RBPJ: variants seen among roughly 807,000 people sequenced by gnomAD.
RBPJ encodes recombining binding protein suppressor of hairless.
In RBPJ, 9 loss-of-function variants were observed where a neutral mutation model predicts 67.8. The observed-to-expected ratio is 0.13, with a 90% CI of 0.08 to 0.23. RBPJ has a LOEUF of 0.23. Ranked by LOEUF, RBPJ falls within the 10% of genes least tolerant of loss-of-function variation. The probability of loss-of-function intolerance (pLI) is 1.00; values close to 1 mark genes in which losing one functional copy is unlikely to be tolerated. For missense variants in RBPJ, 305 were observed against 595.6 expected, an observed-to-expected ratio of 0.51 and a Z score of 5.08; for synonymous variants, 198 against 203.3, an observed-to-expected ratio of 0.97 and a Z score of 0.22.
intron 1 of RBPJ, among the ~76,000 whole-genome samples, chr4:26,253,562 C>T (rs1262897363): frequency 2.6e-5 from 4 of 151,208 alleles, no homozygotes; most frequent in African/African-American, 4.9e-5. Flanking sequence ...CCGCCCGCCT[C>T]GGCCTCCCAA....
At chr4:26,244,302 T>TAC (rs776796147) in intron 1 of RBPJ, among the ~76,000 whole-genome samples, 1 of 148,568 alleles carries the variant, frequency 6.7e-6, no homozygotes. Context: ...CACATATGTG[T>TAC]ACACATATGT....
chr4:26,406,080 T>G, intron 2 of RBPJ, 95 bp from the exon 3 acceptor site: 1 of 729,196 alleles, frequency 1.4e-6, no homozygotes, highest in Non-Finnish European at 2.3e-6. Flanking sequence ...TAAAAAATAT[T>G]TATAAGCATT....
chr4:26,323,808 G>A (rs1723338615), intron 1 of RBPJ, among the ~76,000 whole-genome samples: 1 of 152,116 alleles, frequency 6.6e-6, no homozygotes, highest in South Asian at 2.1e-4. Flanking sequence ...TGGCACCCTT[G>A]ATGGGTAAGG....
At chr4:26,121,873 CTTTTTTTTTTTT>C in the RBPJ span, among the ~76,000 whole-genome samples, 3 of 94,106 alleles carry the variant, frequency 3.2e-5, no homozygotes, top group Admixed American at 2.4e-4. Flanking sequence ...GAGTATCTCT[CTTTTTTTTTTTT>C]TTTTTTTTTT....
At chr4:26,154,718 T>G in the RBPJ span, among the ~76,000 whole-genome samples, 5 of 152,234 alleles carry the variant, frequency 3.3e-5, no homozygotes, top group African/African-American at 1.2e-4. Context: ...CAAAGCATAG[T>G]ATCAGCATCT....
At chr4:26,328,882 T>TG (rs1318516978) in intron 1 of RBPJ, among the ~76,000 whole-genome samples, 1 of 152,204 alleles carries the variant, frequency 6.6e-6, no homozygotes, top group Non-Finnish European at 1.5e-5. Flanking sequence ...GCTCCCGGGC[T>TG]CAAGTGATCC....
chr4:26,355,629 C>T (rs1727289715), intron 1 of RBPJ, among the ~76,000 whole-genome samples: 1 of 152,140 alleles, frequency 6.6e-6, no homozygotes, highest in South Asian at 2.1e-4. Context: ...CAGAGCAAGA[C>T]CCCATCTCTT....
chr4:26,326,181 T>C (rs1216492486), intron 1 of RBPJ, among the ~76,000 whole-genome samples: 1 of 152,174 alleles, frequency 6.6e-6, no homozygotes, highest in Non-Finnish European at 1.5e-5. Flanking sequence ...GTCTAATTCA[T>C]ATATATGTAT....
chr4:26,377,630 A>G (rs953418613), intron 1 of RBPJ, among the ~76,000 whole-genome samples: 1 of 152,224 alleles, frequency 6.6e-6, no homozygotes, highest in Non-Finnish European at 1.5e-5. Flanking sequence ...CTTTGTGGAA[A>G]ACCCTTAGGT....
At chr4:26,109,477 T>TACACACACAC in the RBPJ span, among the ~76,000 whole-genome samples, 14 of 53,006 alleles carry the variant, frequency 2.6e-4, 1 homozygote, top group African/African-American at 1.3e-3. Flanking sequence ...TATATATATA[T>TACACACACAC]ATATATATAT....
At chr4:26,260,206 G>A (rs941326370) in intron 1 of RBPJ, among the ~76,000 whole-genome samples, 2 of 152,124 alleles carry the variant, frequency 1.3e-5, no homozygotes, top group Non-Finnish European at 2.9e-5. Context: ...TGTTTAGAAG[G>A]GAATTGTGAG....
At chr4:26,228,425 C>T (rs1478418447) in intron 1 of RBPJ, among the ~76,000 whole-genome samples, 4 of 152,178 alleles carry the variant, frequency 2.6e-5, no homozygotes, top group Non-Finnish European at 5.9e-5. Context: ...GATGTTATTG[C>T]TGCAATGTAT....
the RBPJ span, among the ~76,000 whole-genome samples, chr4:26,106,186 C>T: frequency 1.3e-5 from 2 of 152,350 alleles, no homozygotes; most frequent in East Asian, 3.9e-4. Context: ...AACATCCCTT[C>T]CCGCCTTTTT....
At chr4:26,284,121 A>G (rs1465209767) in intron 1 of RBPJ, among the ~76,000 whole-genome samples, 1 of 152,202 alleles carries the variant, frequency 6.6e-6, no homozygotes, top group Non-Finnish European at 1.5e-5. Context: ...ATTCTTCTTA[A>G]TAGTATTTAT....
At chr4:26,126,275 A>C in the RBPJ span, among the ~76,000 whole-genome samples, 1 of 152,210 alleles carries the variant, frequency 6.6e-6, no homozygotes, top group Non-Finnish European at 1.5e-5. Flanking sequence ...CCTAGGAAGG[A>C]GACAGACACT....
intron 1 of RBPJ, among the ~76,000 whole-genome samples, chr4:26,206,142 ACTT>A: frequency 6.6e-6 from 1 of 152,262 alleles, no homozygotes; most frequent in Non-Finnish European, 1.5e-5. Flanking sequence ...ACTGCCTCCC[ACTT>A]CTCCCCAAAA....
the RBPJ span, among the ~76,000 whole-genome samples, chr4:26,122,465 A>G: frequency 6.6e-6 from 1 of 152,226 alleles, no homozygotes; most frequent in Admixed American, 6.5e-5. Context: ...TGTAGGTTCA[A>G]ATAGGGCAGA....
the RBPJ span, among the ~76,000 whole-genome samples, chr4:26,129,286 T>C: frequency 6.6e-6 from 1 of 152,212 alleles, no homozygotes; most frequent in Non-Finnish European, 1.5e-5. Context: ...TACCCTGCCG[T>C]GAATCATTTC....
chr4:26,138,396 G>A, the RBPJ span, among the ~76,000 whole-genome samples: 1 of 152,098 alleles, frequency 6.6e-6, no homozygotes, highest in Non-Finnish European at 1.5e-5. Flanking sequence ...GCAGAGCAGG[G>A]ATGAAAAGAG....
Sources: gnomAD v4.1 joint callset for allele counts (sites outside exome capture counted in the v4.1 genomes callset) on GRCh38, gnomAD v4.1.1 for gene constraint, MANE v1.5 for transcripts, NCBI Gene and HGNC (gene_info 2026-07-23, HGNC 2026-07-21) for gene names.